SYNE1: variants seen among roughly 807,000 people sequenced by gnomAD.
The protein encoded by SYNE1 is nesprin-1.
Under a neutral mutation model 1,111.0 loss-of-function variants are expected in SYNE1, and 616 were observed. The observed-to-expected ratio is 0.55, with a 90% CI of 0.52 to 0.59. The LOEUF (loss-of-function observed/expected upper bound fraction) is 0.59, where lower values mean the gene tolerates loss of function less well. Ranked by LOEUF, SYNE1 falls within the 20% of genes least tolerant of loss-of-function variation. The pLI is 0.00. For synonymous variants in SYNE1, 3,855 were observed against 3,825.8 expected (o/e 1.01, Z -0.28); for missense variants, 10,006 against 10,417.0 (o/e 0.96, Z 1.72).
Position 152,301,951 on chromosome 6 carries a change from T to C in SYNE1, c.17459A>G (p.Glu5820Gly), listed in dbSNP as rs886042413. ...KHATMLLTVT[E>G]VEGLAEGTED... Reference sequence around the variant, plus strand: ...TGTCCCTTCCGCCAGCCCCTCGACCTCGGTCACCGTCAGCAGCATGGTGGC... The same window carrying C: ...TGTCCCTTCCGCCAGCCCCTCGACCCCGGTCACCGTCAGCAGCATGGTGGC... Residue 5820 changes from glutamate (E) to glycine (G), a missense_variant, in exon 92 of 146, where the codon GAG (glutamate) becomes GGG (glycine). Transcript: ENST00000367255. The C allele has an allele frequency of 1.2e-6, 2 of 1,614,222 alleles. No homozygotes were observed. The highest frequency in any genetic ancestry group is 1.7e-6 in the Non-Finnish European group (2 of 1,180,042).
chr6:152,140,568 C>A (rs111550108), intron 139 of SYNE1, among the ~76,000 whole-genome samples: 1 of 152,090 alleles, frequency 6.6e-6, no homozygotes, highest in Non-Finnish European at 1.5e-5. Context: ...GGTGGTAGTG[C>A]GCGCCTGTAA....
intron 128 of SYNE1, among the ~76,000 whole-genome samples, chr6:152,188,733 C>T (rs767165858): frequency 6.6e-6 from 1 of 151,522 alleles, no homozygotes; most frequent in Non-Finnish European, 1.5e-5. Context: ...GCGAGGCGGA[C>T]AAATCACAAG....
intron 119 of SYNE1, among the ~76,000 whole-genome samples, chr6:152,220,189 C>T (rs565799442): frequency 1.3e-5 from 2 of 152,194 alleles, no homozygotes; most frequent in African/African-American, 2.4e-5. Context: ...TATAGCTTGC[C>T]TAATTCTAAT....
chr6:152,572,901 AC>A lies in SYNE1; in HGVS notation c.68-32881del, dbSNP rs1207746046. Among the ~76,000 whole-genome samples the A allele has an allele frequency of 2.0e-5, 3 of 152,332 alleles. No individual in the cohort carries two copies. In the East Asian group the frequency reaches 5.8e-4, roughly 29 times the overall value. On this transcript the variant is annotated intron_variant, in intron 3 of 145. Coordinates refer to ENST00000367255, the MANE Select transcript of SYNE1 (RefSeq NM_182961.4). ...CAGAGCATACAAAAACAAATCAGCC[AC>A]AAATTCTGAAAGAGGGAGTTGCCTT...
At chr6:152,636,042 C>T (rs921038287) in intron 2 of SYNE1, among the ~76,000 whole-genome samples, 1 of 152,166 alleles carries the variant, frequency 6.6e-6, no homozygotes, top group African/African-American at 2.4e-5. Flanking sequence ...CCTCCGCCAG[C>T]AATGCAAGAT....
intron 39 of SYNE1, among the ~76,000 whole-genome samples, chr6:152,424,751 T>C (rs1293978904): frequency 2.6e-5 from 4 of 152,178 alleles, no homozygotes; most frequent in Non-Finnish European, 5.9e-5. Context: ...CATAGAAGAG[T>C]ATGCTACTCA....
chr6:152,135,627 T>C (rs1209676729), intron 141 of SYNE1, among the ~76,000 whole-genome samples: 1 of 152,214 alleles, frequency 6.6e-6, no homozygotes, highest in Non-Finnish European at 1.5e-5. Context: ...TATTCACTCA[T>C]TCATTCATCC....
chr6:152,450,508 T>C, intron 27 of SYNE1, 117 bp downstream of exon 27: 1 of 1,024,342 alleles, frequency 9.8e-7, no homozygotes, highest in Non-Finnish European at 1.5e-6. Flanking sequence ...TGAAGGATTT[T>C]TGTACGAGAA....
intron 130 of SYNE1, among the ~76,000 whole-genome samples, chr6:152,170,696 C>A (rs1300469414): frequency 2.6e-5 from 4 of 152,214 alleles, no homozygotes; most frequent in Non-Finnish European, 5.9e-5. Context: ...AGGAACTTCA[C>A]AAAGCCTTGC....
intron 11 of SYNE1, among the ~76,000 whole-genome samples, chr6:152,498,488 AAATT>A (rs1260056240): frequency 1.3e-5 from 2 of 152,244 alleles, no homozygotes; most frequent in Non-Finnish European, 2.9e-5. Flanking sequence ...TATAAAGAAG[AAATT>A]AATTGATAGA....
intron 128 of SYNE1, among the ~76,000 whole-genome samples, chr6:152,183,387 T>TG (rs2068695613): frequency 6.6e-6 from 1 of 151,770 alleles, no homozygotes; most frequent in Non-Finnish European, 1.5e-5. Flanking sequence ...GAGGCCGAGG[T>TG]GGGCAGAGTT....
intron 14 of SYNE1, among the ~76,000 whole-genome samples, chr6:152,475,357 A>G (rs2098828856): frequency 6.6e-6 from 1 of 152,208 alleles, no homozygotes; most frequent in African/African-American, 2.4e-5. Context: ...GCTTAGCTTC[A>G]CCGACATTAA....
intron 18 of SYNE1, among the ~76,000 whole-genome samples, 176 bp from the exon 19 acceptor site, chr6:152,463,693 G>C (rs1201342607): frequency 6.6e-6 from 1 of 152,122 alleles, no homozygotes; most frequent in Non-Finnish European, 1.5e-5. Context: ...ATGTGAGCTA[G>C]AGATACTGTC....
chr6:152,350,198 C>T lies in SYNE1; in HGVS notation c.11871G>A (p.Glu3957=), dbSNP rs891573804. 3.5e-5 allele frequency: 56 copies of T among 1,613,580 alleles called. No individual in the cohort carries two copies. Among genetic ancestry groups the T allele is most frequent in the Non-Finnish European group, 4.4e-5 (52 of 1,180,008 alleles). ...APDLLETSSL[E]TITQQLAHHK... ...GGTGGGCCAATTGCTGGGTGATTGTCTCCAGGCTGCTTGTCTCCAGGAGGT... is the reference window on the plus strand; with the variant it reads ...GGTGGGCCAATTGCTGGGTGATTGTTTCCAGGCTGCTTGTCTCCAGGAGGT... The change falls in exon 72 of 146, where the codon GAG becomes GAA. Residue 3957 remains glutamate, a synonymous_variant. Transcript: ENST00000367255.
At chr6:152,572,737 G>A (rs959887692) in intron 3 of SYNE1, among the ~76,000 whole-genome samples, 3 of 152,180 alleles carry the variant, frequency 2.0e-5, no homozygotes, top group Non-Finnish European at 2.9e-5. Context: ...GCGGAGGTAA[G>A]GGGAATGAAT....
chr6:152,591,839 C>A (rs1039016888), intron 3 of SYNE1, among the ~76,000 whole-genome samples: 7 of 150,972 alleles, frequency 4.6e-5, no homozygotes, highest in African/African-American at 7.4e-5. Flanking sequence ...AAACAAAAAA[C>A]CCCATTAAAA....
intron 138 of SYNE1, among the ~76,000 whole-genome samples, chr6:152,142,121 A>G (rs1403474346): frequency 2.6e-5 from 4 of 152,222 alleles, no homozygotes; most frequent in African/African-American, 9.7e-5. Context: ...CATGCCTTTT[A>G]AACAGGTGAT....
intron 119 of SYNE1, 142 bp downstream of exon 119, chr6:152,220,700 G>C: frequency 1.3e-6 from 1 of 766,558 alleles, no homozygotes; most frequent in Admixed American, 1.9e-5. Flanking sequence ...TGAAAATCAG[G>C]CAGGCTCTTT....
intron 28 of SYNE1, among the ~76,000 whole-genome samples, chr6:152,448,954 G>A (rs1261261669): frequency 1.3e-5 from 2 of 152,218 alleles, no homozygotes; most frequent in East Asian, 3.8e-4. Context: ...GGTTAAAAAT[G>A]TTCAAAGATG....
Sources: allele counts gnomAD v4.1 joint callset (sites outside exome capture counted in the v4.1 genomes callset), GRCh38; gene constraint gnomAD v4.1.1; transcripts MANE v1.5; gene names NCBI Gene and HGNC (gene_info 2026-07-23, HGNC 2026-07-21).